IL1RAP: variants seen among roughly 807,000 people sequenced by gnomAD.
IL1RAP encodes interleukin 1 receptor accessory protein.
A neutral mutation model predicts 60.7 loss-of-function variants in IL1RAP; 35 were observed. That is an observed-to-expected ratio of 0.58 (90% confidence interval 0.44 to 0.76). The LOEUF is 0.76. IL1RAP is among the 30% of genes least tolerant of loss of function. The pLI, the probability that IL1RAP is intolerant of heterozygous loss-of-function variation, is 0.00. For synonymous variants in IL1RAP, 268 were observed against 250.9 expected, an observed-to-expected ratio of 1.07 and a Z score of -0.64; for missense variants, 572 against 693.9, an observed-to-expected ratio of 0.82 and a Z score of 1.97.
chr3:190,618,289 C>T (rs191051890), intron 5 of IL1RAP, among the ~76,000 whole-genome samples: 3 of 152,214 alleles, frequency 2.0e-5, no homozygotes, highest in South Asian at 2.1e-4. Context: ...ATCTATAAAA[C>T]GGAGGTAAAA....
intron 1 of IL1RAP, chr3:190,554,812 C>G (rs1725263511): frequency 6.6e-6 from 1 of 151,328 alleles, no homozygotes; most frequent in African/African-American, 2.4e-5. Flanking sequence ...AATAAATGAA[C>G]AGTGTGTTTA....
chr3:190,522,922 T>G (rs574386330), intron 1 of IL1RAP, among the ~76,000 whole-genome samples: 1 of 152,222 alleles, frequency 6.6e-6, no homozygotes, highest in South Asian at 2.1e-4. Context: ...GGTTTGAATT[T>G]GGATTCAAAT....
intron 4 of IL1RAP, among the ~76,000 whole-genome samples, chr3:190,604,765 G>A (rs1364117910): frequency 6.6e-6 from 1 of 152,122 alleles, no homozygotes; most frequent in African/African-American, 2.4e-5. Context: ...GCAGAGAATA[G>A]AGCCCATTTG....
intron 3 of IL1RAP, among the ~76,000 whole-genome samples, chr3:190,587,189 T>C (rs1728536545): frequency 6.6e-6 from 1 of 152,204 alleles, no homozygotes; most frequent in African/African-American, 2.4e-5. Flanking sequence ...GAAAGTGACT[T>C]GGTCACAGTC....
rs568151235 is a variant in IL1RAP, at chr3:190,643,211, C to T, written c.1052-1037C>T. 4.6e-5 allele frequency among the ~76,000 whole-genome samples: 7 copies of T among 152,094 alleles called. No individual in the cohort carries two copies. The East Asian group carries it at 1.2e-3, about 25-fold the overall frequency. On this transcript the variant is annotated intron_variant, in intron 9 of 11. Transcript: ENST00000447382. ...AAAGGGAAGAGTAAAAATTTCTACA[C>T]GGGAGAGCCAGGTTTCAATAAAAAT...
At chr3:190,600,695 G>A (rs368877883) in intron 3 of IL1RAP, among the ~76,000 whole-genome samples, 42 of 152,284 alleles carry the variant, frequency 2.8e-4, no homozygotes, top group African/African-American at 8.7e-4. Context: ...TCACATGGCC[G>A]CTCCTTACTT....
intron 4 of IL1RAP, among the ~76,000 whole-genome samples, chr3:190,608,436 C>T (rs981275337): frequency 6.6e-6 from 1 of 152,104 alleles, no homozygotes; most frequent in African/African-American, 2.4e-5. Context: ...GGGCACTTAT[C>T]ATGGATAGAG....
At chr3:190,529,176 G>A (rs1299582185) in intron 1 of IL1RAP, among the ~76,000 whole-genome samples, 1 of 152,190 alleles carries the variant, frequency 6.6e-6, no homozygotes, top group African/African-American at 2.4e-5. Flanking sequence ...GGTGCTCTTA[G>A]CCACGGAATT....
intron 3 of IL1RAP, among the ~76,000 whole-genome samples, chr3:190,576,062 G>GA (rs35755755): frequency 0.061 from 9,214 of 150,668 alleles, 339 homozygotes; most frequent in South Asian, 0.08. Context: ...ATAATTTTTA[G>GA]AAAAAAAAAA....
chr3:190,563,983 C>A (rs1400201994), intron 2 of IL1RAP: 1 of 271,488 alleles, frequency 3.7e-6, no homozygotes, highest in African/African-American at 2.2e-5. Flanking sequence ...CACTCTCTAG[C>A]CAAAGGATCG....
intron 3 of IL1RAP, among the ~76,000 whole-genome samples, chr3:190,572,859 G>GT (rs1200775636): frequency 0.02 from 781 of 39,022 alleles, 206 homozygotes; most frequent in African/African-American, 0.071. Flanking sequence ...TTAATGCTTT[G>GT]TTTTTTTTTT....
At chr3:190,634,379 C>T (rs906002498) in intron 9 of IL1RAP, among the ~76,000 whole-genome samples, 21 of 150,734 alleles carry the variant, frequency 1.4e-4, no homozygotes, top group African/African-American at 4.6e-4. Flanking sequence ...ACCTCCACCT[C>T]CTGGGTTCAA....
At chr3:190,622,661 T>A (rs1417029504) in intron 6 of IL1RAP, among the ~76,000 whole-genome samples, 1 of 152,174 alleles carries the variant, frequency 6.6e-6, no homozygotes, top group Non-Finnish European at 1.5e-5. Context: ...TTATAAAGGA[T>A]TCAAATGAAC....
chr3:190,623,485 T>G lies in IL1RAP; in HGVS notation c.775+70T>G. On this transcript the variant is annotated intron_variant, in intron 7 of 11. Transcript: ENST00000447382. ...TACAAGGAATAAAATGTCATTTAAGTTAATGCAAGAAAATAGACGACTGTT... is the reference window on the plus strand; with the variant it reads ...TACAAGGAATAAAATGTCATTTAAGGTAATGCAAGAAAATAGACGACTGTT... The G allele has an allele frequency of 6.1e-6, 7 of 1,156,932 alleles. No individual in the cohort carries two copies. In the South Asian group the frequency reaches 7.5e-5, roughly 12 times the overall value. 71.7% of individuals were successfully genotyped at this position (1,156,932 alleles called of 1,614,324 possible). A position where few individuals can be genotyped will look rare whatever the true frequency, so the allele number is the denominator to read the frequency against.
downstream of IL1RAP, chr3:190,656,475 T>C: frequency 6.5e-7 from 1 of 1,537,276 alleles, no homozygotes; most frequent in Non-Finnish European, 8.7e-7. Flanking sequence ...TCTGTAAGCC[T>C]GTTCCCCAAG....
At chr3:190,636,713 T>A (rs1364384272) in intron 9 of IL1RAP, among the ~76,000 whole-genome samples, 1 of 152,136 alleles carries the variant, frequency 6.6e-6, no homozygotes, top group Non-Finnish European at 1.5e-5. Flanking sequence ...ATACTTAATG[T>A]ATGTATCTTA....
chr3:190,533,182 G>A (rs956185864), intron 1 of IL1RAP, among the ~76,000 whole-genome samples: 5 of 152,298 alleles, frequency 3.3e-5, no homozygotes, highest in Middle Eastern at 3.4e-3. Context: ...TCCAGGATAA[G>A]TAGGTTGACA....
At chr3:190,582,815 A>G (rs1049634193) in intron 3 of IL1RAP, among the ~76,000 whole-genome samples, 1 of 152,190 alleles carries the variant, frequency 6.6e-6, no homozygotes, top group Non-Finnish European at 1.5e-5. Flanking sequence ...AGCGGCCTAT[A>G]TGCTCTTATA....
intron 3 of IL1RAP, among the ~76,000 whole-genome samples, chr3:190,567,007 G>T (rs1251735832): frequency 6.6e-6 from 1 of 152,164 alleles, no homozygotes; most frequent in Non-Finnish European, 1.5e-5. Context: ...ATCTACATGC[G>T]TATCATATTA....
Sources: allele counts gnomAD v4.1 joint callset (sites outside exome capture counted in the v4.1 genomes callset), GRCh38; gene constraint gnomAD v4.1.1; transcripts MANE v1.5; gene names NCBI Gene and HGNC (gene_info 2026-07-23, HGNC 2026-07-21).